The following ATG9B variants were observed in gnomAD, a reference collection of about 807,000 sequenced individuals.
The protein encoded by ATG9B is autophagy-related protein 9B.
In ATG9B, 92 loss-of-function variants were observed where a neutral mutation model predicts 92.9. That is an observed-to-expected ratio of 0.99 (90% CI 0.84 to 1.18). The LOEUF (loss-of-function observed/expected upper bound fraction) is 1.18. ATG9B is among the 50% of genes most tolerant of loss of function. ATG9B has a pLI of 0.00. For missense variants in ATG9B, 1,344 were observed against 1,235.0 expected, an observed-to-expected ratio of 1.09 and a Z score of -1.32; for synonymous variants, 599 against 551.4, an observed-to-expected ratio of 1.09 and a Z score of -1.21.
At chr7:151,023,789 AC>A in intron 1 of ATG9B, 59 bp from the exon 2 acceptor site, 1 of 1,612,824 alleles carries the variant, frequency 6.2e-7, no homozygotes, top group East Asian at 2.2e-5. Flanking sequence ...CACGTTCTCA[AC>A]CCGCTGCCAG....
Position 151,016,107 on chromosome 7 carries a change from A to G in ATG9B, c.2647+2T>C, listed in dbSNP as rs1255766948. 6.5e-7 allele frequency: 1 copy of G among 1,536,234 alleles called. No individual in the cohort carries two copies. The highest frequency in any genetic ancestry group is 8.8e-7 in the Non-Finnish European group (1 of 1,138,232). On this transcript the variant is annotated splice_donor_variant, in intron 12 of 13. Transcript: ENST00000639579. LOFTEE classifies it high-confidence loss of function. ...GTCCCCTGCAGGCCCCACCCTCCTC[A>G]CCGTCACTTGACCAGGATGGCTTCT...
At chr7:151,023,852 C>T (rs1257991064) in intron 1 of ATG9B, 22 bp downstream of exon 1, 2 of 1,609,764 alleles carry the variant, frequency 1.2e-6, no homozygotes, top group East Asian at 2.2e-5. Flanking sequence ...TAACCCTCTC[C>T]CACCCACACC....
intron 11 of ATG9B, 68 bp from the exon 12 acceptor site, chr7:151,016,303 G>A: frequency 6.8e-7 from 1 of 1,478,232 alleles, no homozygotes; most frequent in Non-Finnish European, 9.0e-7. Context: ...CTGGGCTAGA[G>A]GCAGAGGGCT....
At chr7:151,021,406 G>T in intron 4 of ATG9B, 77 bp from the exon 5 acceptor site, 1 of 1,477,566 alleles carries the variant, frequency 6.8e-7, no homozygotes, top group Non-Finnish European at 9.0e-7. Context: ...CGGGAGTGAG[G>T]AAAAACCATC....
At position 151,016,680 on chromosome 7, in the gene ATG9B, C is replaced by T. The variant is rs999824266; in HGVS notation, c.2423+8G>A. ...ACATGCCCCTGCATCTCAGCCTCCA[C>T]TCCTCACCTGGGGTCCTGGGCAATT... is the stretch of plus-strand genomic sequence containing the variant. On this transcript the variant is annotated splice_region_variant and intron_variant, in intron 10 of 13. Transcript: ENST00000639579. 2 of 1,575,084 alleles carry T rather than the reference C, an allele frequency of 1.3e-6. No individual in the cohort carries two copies. Among genetic ancestry groups the T allele is most frequent in the African/African-American group, 2.7e-5 (2 of 73,780 alleles).
At chr7:151,022,520 G>C in intron 4 of ATG9B, among the ~76,000 whole-genome samples, 1 of 151,536 alleles carries the variant, frequency 6.6e-6, no homozygotes. Context: ...CCAATTTTAA[G>C]TGTATTAAGA....
chr7:151,021,348 G>A lies in ATG9B; in HGVS notation c.822-19C>T, dbSNP rs376821518. ...GCGGATCCTGTATGGGGTTGGGCGG[G>A]CAGTGGGGGAGAAAGGTGGGCGCCT... On this transcript the variant is annotated intron_variant, in intron 4 of 13. Transcript: ENST00000639579. 4 of 1,568,384 alleles carry A rather than the reference G, an allele frequency of 2.6e-6. No homozygotes were observed. The African/African-American group carries it at 5.4e-5, about 21-fold the overall frequency.
At position 151,021,938 on chromosome 7, in the gene ATG9B, C is replaced by T. The variant is rs2373928; in HGVS notation, c.822-609G>A. On this transcript the variant is annotated intron_variant, in intron 4 of 13. Coordinates refer to ENST00000639579, the MANE Select transcript of ATG9B (RefSeq NM_001317056.2). The stretch of plus-strand genomic sequence containing the variant: ...TGCTGAGATTACAGGTGTGAGCCAC[C>T]ACGCCCAGCCGCACTCTTACATTTT... 5.1e-3 allele frequency among the ~76,000 whole-genome samples: 656 copies of T among 128,254 alleles called. 17 individuals carry two copies. The highest frequency in any genetic ancestry group is 8.3e-3 in the African/African-American group (268 of 32,272). 84.1% of individuals were successfully genotyped at this position (128,254 alleles called of 152,430 possible). A position where few individuals can be genotyped will look rare whatever the true frequency, so the allele number is the denominator to read the frequency against.
downstream of ATG9B, chr7:151,014,145 C>T (rs373133695): frequency 1.9e-6 from 3 of 1,609,208 alleles, no homozygotes. Flanking sequence ...TCGACCCTCC[C>T]GGCTCAGACA....
chr7:151,019,128 G>T lies in ATG9B; in HGVS notation c.1210C>A (p.Leu404Ile), dbSNP rs890786980. The T allele has an allele frequency of 2.0e-6, 3 of 1,535,952 alleles. No individual in the cohort carries two copies. In the Admixed American group the frequency reaches 5.9e-5, roughly 30 times the overall value. The change falls in exon 6 of 14, where the codon CTC (leucine) becomes ATC (isoleucine). Residue 404 changes from leucine (L) to isoleucine (I), a missense_variant. Transcript: ENST00000639579. Reference protein sequence around the residue: ...RGLALNVDLLLFRGPFSLFRG... With the variant: ...RGLALNVDLLIFRGPFSLFRG... ...AAGAGCGAGAAGGGACCGCGGAAGA[G>T]CAGCAGGTCGACATTGAGCGCCAGG... is the stretch of plus-strand genomic sequence containing the variant.
At chr7:151,013,522 T>C (rs906421306), downstream of ATG9B, 1 of 1,203,428 alleles carries the variant, frequency 8.3e-7, no homozygotes, top group Non-Finnish European at 1.1e-6. Flanking sequence ...TGGCCCACCC[T>C]TGTGCCCCGG....
chr7:151,016,625 C>CA, intron 10 of ATG9B, 63 bp downstream of exon 10: 1 of 1,546,160 alleles, frequency 6.5e-7, no homozygotes, highest in Non-Finnish European at 8.7e-7. Context: ...CCCAGCTCCC[C>CA]ACTCCTACAG....
At chr7:151,022,024 C>T (rs1490917358) in intron 4 of ATG9B, among the ~76,000 whole-genome samples, 2 of 147,174 alleles carry the variant, frequency 1.4e-5, no homozygotes, top group East Asian at 3.9e-4. Flanking sequence ...GAAACAAGGT[C>T]TCTCTCTGTT....
chr7:151,020,502 C>A (rs926936364), intron 5 of ATG9B, among the ~76,000 whole-genome samples: 1 of 152,226 alleles, frequency 6.6e-6, no homozygotes, highest in Non-Finnish European at 1.5e-5. Context: ...CCTTCTAAGA[C>A]CTCTCCCCTT....
chr7:151,016,867 A>T, intron 9 of ATG9B, 46 bp from the exon 10 acceptor site: 1 of 1,574,356 alleles, frequency 6.4e-7, no homozygotes. Context: ...GTCAGAAGAG[A>T]GGACAGAAAC....
Position 151,016,690 on chromosome 7 carries a change from G to T in ATG9B, c.2421C>A (p.Pro807=). The T allele has an allele frequency of 6.3e-7, 1 of 1,587,874 alleles. No homozygotes were observed. The highest frequency in any genetic ancestry group is 1.3e-5 in the African/African-American group (1 of 74,228). The part of the protein sequence containing the change: ...LASISRIAQD[P]SSVSPGGTGG... ...GCATCTCAGCCTCCACTCCTCACCT[G>T]GGGTCCTGGGCAATTCGGGAAATGG... Residue 807 remains proline, a splice_region_variant and synonymous_variant, in exon 10 of 14, where the codon CCC becomes CCA. Transcript: ENST00000639579.
At position 151,018,066 on chromosome 7, in the gene ATG9B, T is replaced by A; in HGVS notation, c.1873-16A>T. On this transcript the variant is annotated splice_polypyrimidine_tract_variant and intron_variant, in intron 7 of 13. Coordinates refer to ENST00000639579, the MANE Select transcript of ATG9B (RefSeq NM_001317056.2). This position sits in a 1 kb window ranked among gnomAD's most constrained non-coding sequence, Gnocchi z 4.7. ...GGAGGGAGACCTGGGGAAGCAGCGGTGAGGCTGAGCAGGGGTCGCTGAGGG... is the reference window on the plus strand; with the variant it reads ...GGAGGGAGACCTGGGGAAGCAGCGGAGAGGCTGAGCAGGGGTCGCTGAGGG... 6.4e-7 allele frequency: 1 copy of A among 1,564,266 alleles called. No homozygotes were observed. Among genetic ancestry groups the A allele is most frequent in the Admixed American group, 1.9e-5 (1 of 52,676 alleles).
Position 151,024,399 on chromosome 7 carries a change from C to A in ATG9B, c.25G>T (p.Gly9Trp), listed in dbSNP as rs545139907. The A allele has an allele frequency of 5.3e-4, 725 of 1,372,630 alleles. 6 individuals are homozygous for A. In the Middle Eastern group the frequency reaches 6.6e-3, roughly 12 times the overall value. 85.0% of individuals were successfully genotyped at this position (1,372,630 alleles called of 1,614,324 possible). The change falls in exon 1 of 14, where the codon GGG becomes TGG. Residue 9 changes from glycine to tryptophan, a missense_variant. Coordinates refer to ENST00000639579, the MANE Select transcript of ATG9B (RefSeq NM_001317056.2). Reference protein sequence around the residue: MVSRMGWGGRRRRLGRWGD... With the variant: MVSRMGWGWRRRRLGRWGD... Reference sequence around the variant, plus strand: ...CACCGCCCCAGCCGCCTTCTTCTCCCCCCCCAGCCCATTCGGCTCACCATC... The same window carrying A: ...CACCGCCCCAGCCGCCTTCTTCTCCACCCCCAGCCCATTCGGCTCACCATC...
At chr7:151,012,559 G>C (rs1428936124), downstream of ATG9B, 8 of 1,466,360 alleles carry the variant, frequency 5.5e-6, no homozygotes, top group Non-Finnish European at 7.4e-6. Flanking sequence ...AAATAGGAAA[G>C]AGAGGGCAGG....
Sources: allele counts gnomAD v4.1 joint callset (sites outside exome capture counted in the v4.1 genomes callset), GRCh38; gene constraint gnomAD v4.1.1; non-coding constraint Gnocchi (gnomAD v3.1); transcripts MANE v1.5; gene names NCBI Gene and HGNC (gene_info 2026-07-23, HGNC 2026-07-21).